The following DLGAP2 variants were observed in gnomAD, a reference collection of about 807,000 sequenced individuals.
DLGAP2 encodes the protein disks large-associated protein 2.
A neutral mutation model predicts 100.3 loss-of-function variants in DLGAP2; 26 were observed. The observed-to-expected ratio is 0.26, with a 90% CI of 0.19 to 0.36. The LOEUF (loss-of-function observed/expected upper bound fraction) is 0.36. Ranked by LOEUF, DLGAP2 falls within the 10% of genes least tolerant of loss-of-function variation. The pLI is 1.00. For synonymous variants in DLGAP2, 886 were observed against 630.1 expected (o/e 1.41, Z -6.08); for missense variants, 1,858 against 1,453.2 (o/e 1.28, Z -4.53).
rs981126871 is a variant in DLGAP2, at chr8:1,682,839, G to C, written c.2704+4210G>C. Among the ~76,000 whole-genome samples the C allele has an allele frequency of 1.6e-4, 24 of 151,608 alleles. 1 individual carries two copies. Among genetic ancestry groups the C allele is most frequent in the African/African-American group, 5.8e-4 (24 of 41,352 alleles). On this transcript the variant is annotated intron_variant, in intron 12 of 14. Transcript: ENST00000637795. ...GCATCTGAAAAACTATTTTTCTTCAGTAAGGTAGGGTGGAAAATTAATTTT... is the reference window on the plus strand; with the variant it reads ...GCATCTGAAAAACTATTTTTCTTCACTAAGGTAGGGTGGAAAATTAATTTT...
chr8:1,410,235 G>C (rs568377971), intron 3 of DLGAP2, among the ~76,000 whole-genome samples: 1 of 152,158 alleles, frequency 6.6e-6, no homozygotes, highest in Non-Finnish European at 1.5e-5. Flanking sequence ...ACTGGCTTCA[G>C]AGCAGAATCT....
intron 3 of DLGAP2, among the ~76,000 whole-genome samples, chr8:1,274,011 A>G (rs1225693843): frequency 1.3e-5 from 2 of 152,200 alleles, no homozygotes; most frequent in African/African-American, 4.8e-5. Flanking sequence ...TTCATATATG[A>G]AAGTCTTGTC....
chr8:1,287,540 T>C (rs1799961808), intron 3 of DLGAP2, among the ~76,000 whole-genome samples: 1 of 131,198 alleles, frequency 7.6e-6, no homozygotes, highest in African/African-American at 3.1e-5. Context: ...TGTGTGTGTG[T>C]GTGTATGTGT....
chr8:776,883 G>C (rs886730782), intron 1 of DLGAP2, among the ~76,000 whole-genome samples: 3 of 152,188 alleles, frequency 2.0e-5, no homozygotes, highest in African/African-American at 7.2e-5. Flanking sequence ...TTGCAGAGCT[G>C]AGTTCAATTC....
At chr8:1,522,392 C>T (rs927052971) in intron 4 of DLGAP2, among the ~76,000 whole-genome samples, 10 of 152,314 alleles carry the variant, frequency 6.6e-5, no homozygotes, top group African/African-American at 2.4e-4. Flanking sequence ...CAGCCGGGGC[C>T]CAGGGCATCA....
At chr8:1,163,958 C>A (rs1796942821) in intron 2 of DLGAP2, among the ~76,000 whole-genome samples, 1 of 152,332 alleles carries the variant, frequency 6.6e-6, no homozygotes, top group East Asian at 1.9e-4. Flanking sequence ...GAGCCGCCTG[C>A]CAGGCCTCCT....
Position 1,473,651 on chromosome 8 carries a change from G to C in DLGAP2, c.107-27715G>C, listed in dbSNP as rs544367010. Among the ~76,000 whole-genome samples the C allele has an allele frequency of 3.3e-5, 5 of 152,254 alleles. No individual in the cohort carries two copies. The East Asian group carries it at 9.7e-4, about 29-fold the overall frequency. On this transcript the variant is annotated intron_variant, in intron 3 of 14. Coordinates refer to ENST00000637795, the MANE Select transcript of DLGAP2 (RefSeq NM_001346810.2). ...GTAGGCTATGGTATGGTTTGGCTGT[G>C]TCCCCACCCAAATCTCATTGTGAAT...
chr8:1,346,089 C>G (rs937767717), intron 3 of DLGAP2, among the ~76,000 whole-genome samples: 1 of 152,110 alleles, frequency 6.6e-6, no homozygotes, highest in Non-Finnish European at 1.5e-5. Context: ...GAGTGCCCGG[C>G]AGAGCTGCAT....
At chr8:1,493,414 C>T (rs980310588) in intron 3 of DLGAP2, among the ~76,000 whole-genome samples, 3 of 152,020 alleles carry the variant, frequency 2.0e-5, no homozygotes, top group Admixed American at 6.5e-5. Context: ...GCGCATAGAC[C>T]GCTGCCTCCA....
At chr8:800,954 C>G (rs1384733114) in intron 1 of DLGAP2, among the ~76,000 whole-genome samples, 2 of 151,994 alleles carry the variant, frequency 1.3e-5, no homozygotes, top group African/African-American at 4.8e-5. Context: ...TTGTGCCCCC[C>G]CACCCTTCCT....
chr8:1,230,877 A>C (rs1372103488), intron 2 of DLGAP2, among the ~76,000 whole-genome samples: 1 of 152,240 alleles, frequency 6.6e-6, no homozygotes, highest in African/African-American at 2.4e-5. Flanking sequence ...TACAAATTTA[A>C]ATGTAAGACC....
chr8:1,677,812 C>A (rs1248649857), intron 11 of DLGAP2, among the ~76,000 whole-genome samples: 2 of 152,194 alleles, frequency 1.3e-5, no homozygotes, highest in Non-Finnish European at 2.9e-5. Context: ...AATTTGGAAG[C>A]CACTACAACT....
At chr8:1,475,674 A>G (rs1398455036) in intron 3 of DLGAP2, among the ~76,000 whole-genome samples, 1 of 152,208 alleles carries the variant, frequency 6.6e-6, no homozygotes, top group African/African-American at 2.4e-5. Flanking sequence ...CCGAGCGGAG[A>G]GGAAGACAGA....
At chr8:1,493,278 C>T (rs1000358138) in intron 3 of DLGAP2, among the ~76,000 whole-genome samples, 1 of 152,184 alleles carries the variant, frequency 6.6e-6, no homozygotes, top group African/African-American at 2.4e-5. Flanking sequence ...CTGAGACACG[C>T]CTCTGTGGAC....
At chr8:1,489,051 T>G (rs1799302201) in intron 3 of DLGAP2, among the ~76,000 whole-genome samples, 3 of 152,228 alleles carry the variant, frequency 2.0e-5, no homozygotes, top group Admixed American at 2.0e-4. Flanking sequence ...ATGGTCCAAC[T>G]TCTTTAAGGA....
intron 2 of DLGAP2, among the ~76,000 whole-genome samples, chr8:1,083,374 A>T (rs2129039985): frequency 6.6e-6 from 1 of 152,308 alleles, no homozygotes; most frequent in East Asian, 1.9e-4. Context: ...AAGAGTAGCC[A>T]TTCTCTGTTT....
intron 8 of DLGAP2, among the ~76,000 whole-genome samples, chr8:1,658,449 C>T (rs1230106449): frequency 2.0e-5 from 3 of 152,040 alleles, no homozygotes; most frequent in Non-Finnish European, 2.9e-5. Context: ...AGTTTTGTTA[C>T]GTAGGCTATG....
intron 2 of DLGAP2, among the ~76,000 whole-genome samples, chr8:1,162,419 T>C (rs981410813): frequency 5.9e-5 from 9 of 152,186 alleles, no homozygotes; most frequent in Non-Finnish European, 1.2e-4. Flanking sequence ...AATAGGAAAA[T>C]GCATCAGTTA....
intron 3 of DLGAP2, among the ~76,000 whole-genome samples, chr8:1,449,425 C>T (rs1450144224): frequency 6.6e-6 from 1 of 152,130 alleles, no homozygotes; most frequent in Non-Finnish European, 1.5e-5. Flanking sequence ...TCGAGTTTGA[C>T]AGAGCTGGGA....
Sources: gnomAD v4.1 joint callset for allele counts (sites outside exome capture counted in the v4.1 genomes callset) on GRCh38, gnomAD v4.1.1 for gene constraint, MANE v1.5 for transcripts, NCBI Gene and HGNC (gene_info 2026-07-23, HGNC 2026-07-21) for gene names.